Variants in FRAS1 observed in about 807,000 individuals in gnomAD.
FRAS1 encodes the protein extracellular matrix organizing protein FRAS1.
FRAS1 carries 290 observed loss-of-function variants against 435.2 expected under a neutral mutation model. That is an observed-to-expected ratio of 0.67 (90% CI 0.61 to 0.73). The LOEUF (loss-of-function observed/expected upper bound fraction) is 0.73. Ranked by LOEUF, FRAS1 falls within the 30% of genes least tolerant of loss-of-function variation. FRAS1 has a pLI of 0.00. For synonymous variants in FRAS1, 1,800 were observed against 1,851.0 expected (o/e 0.97, Z 0.71); for missense variants, 4,860 against 5,001.5 (o/e 0.97, Z 0.85).
rs766329286 is a variant in FRAS1, at chr4:78,419,015, A to AGTG, written c.4494_4496dup (p.Gly1499dup). On this transcript the variant is annotated inframe_insertion, in exon 33 of 74. Transcript: ENST00000512123. Reference sequence around the variant, plus strand: ...CTCCTTCATAAACTCTGAGAAGCCAAGTGGAAAGATTGTCTACAACATCAC... The same window carrying AGTG: ...CTCCTTCATAAACTCTGAGAAGCCAAGTGGTGGAAAGATTGTCTACAACATCAC... The AGTG allele has an allele frequency of 1.9e-6, 3 of 1,601,640 alleles. No individual in the cohort carries two copies. In the South Asian group the frequency reaches 3.4e-5, roughly 18 times the overall value.
chr4:78,345,574 CTTCT>C (rs1304726790), intron 20 of FRAS1, among the ~76,000 whole-genome samples: 1 of 151,502 alleles, frequency 6.6e-6, no homozygotes, highest in Non-Finnish European at 1.5e-5. Context: ...TTAACACTTG[CTTCT>C]TTATTTTCCT....
At chr4:78,277,150 T>A (rs1490887338) in intron 9 of FRAS1, among the ~76,000 whole-genome samples, 1 of 152,210 alleles carries the variant, frequency 6.6e-6, no homozygotes, top group East Asian at 1.9e-4. Context: ...TGCCATTTGC[T>A]AAGACCATTG....
rs768536460 is a variant in FRAS1, at chr4:78,522,825, A to C, written c.10808+17A>C. The C allele has an allele frequency of 5.7e-6, 9 of 1,586,340 alleles. No homozygotes were observed. The highest frequency in any genetic ancestry group is 7.7e-6 in the Non-Finnish European group (9 of 1,168,140). On this transcript the variant is annotated intron_variant, in intron 69 of 73. Transcript: ENST00000512123. ...TTATAACAGGTAAATACAGTGATGG[A>C]GGCCTCCATGGGTAGAGCTGAATGG... is the stretch of plus-strand genomic sequence containing the variant.
At chr4:78,092,854 C>G (rs1019803932) in intron 2 of FRAS1, among the ~76,000 whole-genome samples, 1 of 152,180 alleles carries the variant, frequency 6.6e-6, no homozygotes, top group South Asian at 2.1e-4. Flanking sequence ...CAGAGTAACT[C>G]CTGCAAATCC....
chr4:78,323,828 G>C (rs190271686), intron 18 of FRAS1, among the ~76,000 whole-genome samples: 12 of 152,118 alleles, frequency 7.9e-5, no homozygotes, highest in African/African-American at 2.7e-4. Flanking sequence ...CTTCTACTAT[G>C]GTTGAAGGAT....
chr4:78,099,471 G>A (rs1232893980), intron 2 of FRAS1, among the ~76,000 whole-genome samples: 3 of 152,104 alleles, frequency 2.0e-5, no homozygotes, highest in East Asian at 1.9e-4. Flanking sequence ...AAAAGATGGG[G>A]GTGAAAGGGG....
At chr4:78,446,226 G>GA (rs1718824265) in intron 42 of FRAS1, 1 of 996,344 alleles carries the variant, frequency 1.0e-6, no homozygotes, top group African/African-American at 1.7e-5. Flanking sequence ...TCTGCCTTGG[G>GA]AAAATAAAAT....
chr4:78,430,351 C>T lies in FRAS1; in HGVS notation c.4903C>T (p.Arg1635Trp), dbSNP rs764372113. The change falls in exon 37 of 74, where the codon CGG becomes TGG. Residue 1635 changes from arginine (R) to tryptophan (W), a missense_variant. Coordinates refer to ENST00000512123, the MANE Select transcript of FRAS1 (RefSeq NM_025074.7). ...TAPKELFFEL[R>W]RPPQHGVLLK... ...GCCCAAAGAACTCTTCTTTGAGCTT[C>T]GGAGACCTCCACAGCATGGTGTGCT... 81 of 1,613,726 alleles carry T rather than the reference C, an allele frequency of 5.0e-5. 1 individual carries two copies. The highest frequency in any genetic ancestry group is 1.6e-4 in the African/African-American group (12 of 74,914).
At chr4:78,380,411 T>C (rs2110320252) in intron 27 of FRAS1, among the ~76,000 whole-genome samples, 1 of 152,156 alleles carries the variant, frequency 6.6e-6, no homozygotes, top group East Asian at 1.9e-4. Context: ...ATTTTAGAGT[T>C]GAAAGGAAAC....
At chr4:78,498,718 TATC>T (rs1266794924) in intron 60 of FRAS1, among the ~76,000 whole-genome samples, 1 of 152,062 alleles carries the variant, frequency 6.6e-6, no homozygotes, top group Non-Finnish European at 1.5e-5. Flanking sequence ...GTATAAAAGT[TATC>T]ATTACTCTCA....
intron 2 of FRAS1, among the ~76,000 whole-genome samples, chr4:78,076,054 T>C (rs1298710938): frequency 6.6e-6 from 1 of 152,212 alleles, no homozygotes; most frequent in Non-Finnish European, 1.5e-5. Flanking sequence ...CTGATTAGTA[T>C]ATTGTTGGAG....
At chr4:78,063,365 T>A (rs1033295266) in intron 1 of FRAS1, among the ~76,000 whole-genome samples, 21 of 152,188 alleles carry the variant, frequency 1.4e-4, no homozygotes, top group African/African-American at 5.1e-4. Flanking sequence ...GAATGCTTTT[T>A]TTCTCAAGAG....
chr4:78,339,321 A>G (rs2110268447), intron 20 of FRAS1, among the ~76,000 whole-genome samples: 1 of 152,342 alleles, frequency 6.6e-6, no homozygotes, highest in South Asian at 2.1e-4. Context: ...ATATTTACTG[A>G]GAACTCACTG....
intron 2 of FRAS1, among the ~76,000 whole-genome samples, chr4:78,092,271 G>A (rs1741565898): frequency 6.6e-6 from 1 of 152,264 alleles, no homozygotes; most frequent in East Asian, 1.9e-4. Flanking sequence ...ATTGTGGTCA[G>A]GACCGGCATG....
At position 78,379,713 on chromosome 4, in the gene FRAS1, A is replaced by G; in HGVS notation, c.3293-13A>G. ...TACCATAAGCTTGACCTTTGGATTC[A>G]TATGTTTTTCAGGCAAAATACACAC... is the stretch of plus-strand genomic sequence containing the variant. On this transcript the variant is annotated splice_polypyrimidine_tract_variant and intron_variant, in intron 26 of 73. Coordinates refer to ENST00000512123, the MANE Select transcript of FRAS1 (RefSeq NM_025074.7). 6.2e-7 allele frequency: 1 copy of G among 1,603,832 alleles called. No individual in the cohort carries two copies. Among genetic ancestry groups the G allele is most frequent in the South Asian group, 1.1e-5 (1 of 87,654 alleles).
intron 1 of FRAS1, among the ~76,000 whole-genome samples, chr4:78,061,950 G>C (rs1475308646): frequency 6.6e-6 from 1 of 152,168 alleles, no homozygotes; most frequent in African/African-American, 2.4e-5. Flanking sequence ...GCATCCTTTG[G>C]CTTTTGTAAT....
rs777641115 is a variant in FRAS1, at chr4:78,515,917, C to A, written c.10293C>A (p.His3431Gln). The change falls in exon 66 of 74, where the codon CAC becomes CAA. Residue 3431 changes from histidine (H) to glutamine (Q), a missense_variant. By Grantham distance (24) the His-to-Gln change is conservative. Transcript: ENST00000512123. The stretch of plus-strand genomic sequence containing the variant: ...CGAAGACCATCCAGCTCTACAAACA[C>A]CTGAACCTGAAGAGCTGCGTGTGGA... ...REPKTIQLYK[H>Q]LNLKSCVWTF... 1 of 1,614,004 alleles carries A rather than the reference C, an allele frequency of 6.2e-7. No individual in the cohort carries two copies. Among genetic ancestry groups the A allele is most frequent in the Non-Finnish European group, 8.5e-7 (1 of 1,179,890 alleles).
intron 58 of FRAS1, among the ~76,000 whole-genome samples, chr4:78,482,983 A>G (rs1289163183): frequency 1.3e-5 from 2 of 152,250 alleles, no homozygotes; most frequent in Non-Finnish European, 2.9e-5. Context: ...TATCTAATGC[A>G]TAATAAAGGA....
intron 2 of FRAS1, among the ~76,000 whole-genome samples, chr4:78,112,373 A>G (rs1742783559): frequency 1.3e-5 from 2 of 152,168 alleles, no homozygotes; most frequent in Non-Finnish European, 2.9e-5. Context: ...CAATCTGTAG[A>G]TCTGGAGATT....
Sources: allele counts gnomAD v4.1 joint callset (sites outside exome capture counted in the v4.1 genomes callset), GRCh38; gene constraint gnomAD v4.1.1; transcripts MANE v1.5; gene names NCBI Gene and HGNC (gene_info 2026-07-23, HGNC 2026-07-21).